Variants in PTCD2 observed in about 807,000 individuals in gnomAD.
The protein encoded by PTCD2 is pentatricopeptide repeat domain 2, also known as pentatricopeptide repeat-containing protein 2, mitochondrial.
A neutral mutation model predicts 42.6 loss-of-function variants in PTCD2; 31 were observed. That is an observed-to-expected ratio of 0.73 (90% CI 0.55 to 0.98). The LOEUF is 0.98. PTCD2 is among the 50% of genes least tolerant of loss of function. The pLI is 0.00. For missense variants in PTCD2, 476 were observed against 454.8 expected (o/e 1.05, Z -0.42); for synonymous variants, 183 against 170.9 (o/e 1.07, Z -0.55).
chr5:72,321,610 G>A (rs537228006), intron 1 of PTCD2, among the ~76,000 whole-genome samples: 1 of 152,286 alleles, frequency 6.6e-6, no homozygotes, highest in South Asian at 2.1e-4. Context: ...AAAGGATGAT[G>A]TTTCCCAAAT....
intron 5 of PTCD2, 79 bp downstream of exon 5, chr5:72,335,175 G>A: frequency 1.2e-6 from 1 of 802,052 alleles, no homozygotes; most frequent in Non-Finnish European, 2.1e-6. Context: ...AATGAGTCAT[G>A]CAAAAATGAT....
intron 8 of PTCD2, among the ~76,000 whole-genome samples, chr5:72,350,187 A>G (rs1752553384): frequency 6.6e-6 from 1 of 152,248 alleles, no homozygotes; most frequent in Non-Finnish European, 1.5e-5. Flanking sequence ...AAAGGTGTTA[A>G]GAACTGTGAA....
chr5:72,344,468 G>A (rs1171984486), intron 8 of PTCD2, among the ~76,000 whole-genome samples: 1 of 152,064 alleles, frequency 6.6e-6, no homozygotes, highest in Non-Finnish European at 1.5e-5. Context: ...AGCCAAAATT[G>A]CGCCACTACA....
Position 72,363,247 on chromosome 5 carries a change from C to T in PTCD2, c.*4820C>T, listed in dbSNP as rs1753131993. ...AGCCAAGATGACAGCTGAACAGGCT[C>T]TCATCTTAAACCTGAACAGGCATCA... On this transcript the variant is annotated 3_prime_UTR_variant, in exon 10 of 10. Transcript: ENST00000380639. 2 of 152,238 alleles carry T rather than the reference C, an allele frequency of 1.3e-5. No homozygotes were observed. Among genetic ancestry groups the T allele is most frequent in the Non-Finnish European group, 2.9e-5 (2 of 68,038 alleles). The allele number at this position is 152,238 out of a possible 1,614,324, so 9.4% of individuals were successfully genotyped here.
chr5:72,326,011 T>A (rs1250439785), intron 2 of PTCD2, among the ~76,000 whole-genome samples: 2 of 152,234 alleles, frequency 1.3e-5, no homozygotes, highest in Middle Eastern at 3.2e-3. Flanking sequence ...GAGGACTGTT[T>A]TCCCCCCTGC....
intron 9 of PTCD2, among the ~76,000 whole-genome samples, chr5:72,356,879 TTGGAAGAGG>T (rs1350765404): frequency 6.6e-6 from 1 of 152,128 alleles, no homozygotes. Flanking sequence ...TGTTATATAT[TTGGAAGAGG>T]TGGAAGAGGG....
intron 2 of PTCD2, among the ~76,000 whole-genome samples, chr5:72,322,509 C>T (rs549188837): frequency 3.9e-5 from 6 of 152,262 alleles, no homozygotes; most frequent in South Asian, 2.1e-4. Flanking sequence ...GCTAGTGCTG[C>T]GATTGGTCTT....
intron 7 of PTCD2, among the ~76,000 whole-genome samples, chr5:72,340,697 GT>G: frequency 1.3e-5 from 2 of 152,074 alleles, no homozygotes; most frequent in South Asian, 4.1e-4. Context: ...TTTGCCTGTT[GT>G]TTTTGTACTT....
intron 8 of PTCD2, among the ~76,000 whole-genome samples, chr5:72,344,095 G>A (rs1027530323): frequency 2.3e-4 from 35 of 152,204 alleles, no homozygotes; most frequent in African/African-American, 8.0e-4. Flanking sequence ...CAACGTGAGG[G>A]GCCCTTAGGG....
intron 8 of PTCD2, among the ~76,000 whole-genome samples, chr5:72,349,344 C>G (rs1353998959): frequency 6.6e-6 from 1 of 152,104 alleles, no homozygotes; most frequent in Admixed American, 6.5e-5. Context: ...CATGACCATA[C>G]CTAATTGCAA....
At chr5:72,335,356 G>A (rs1751677483) in intron 5 of PTCD2, among the ~76,000 whole-genome samples, 2 of 151,806 alleles carry the variant, frequency 1.3e-5, no homozygotes, top group South Asian at 4.2e-4. Context: ...GGCTGAGGCA[G>A]GAGAATGGCG....
rs1753155621 is a variant in PTCD2, at chr5:72,364,407, GT to G, written c.*5984del. 6.6e-6 allele frequency: 1 copy of G among 152,188 alleles called. No individual in the cohort carries two copies. The highest frequency in any genetic ancestry group is 2.1e-4 in the South Asian group (1 of 4,826). The allele number at this position is 152,188 out of a possible 1,614,324, so 9.4% of individuals were successfully genotyped here. On this transcript the variant is annotated 3_prime_UTR_variant, in exon 10 of 10. Coordinates refer to ENST00000380639, the MANE Select transcript of PTCD2 (RefSeq NM_024754.5). ...GTATAAAGGAAGACCTTTTGCTGGTGTTTTGTAAAACCAGTTGTCTGTGTCA... is the reference window on the plus strand; with the variant it reads ...GTATAAAGGAAGACCTTTTGCTGGTGTTTGTAAAACCAGTTGTCTGTGTCA...
chr5:72,348,154 A>G (rs1006906894), intron 8 of PTCD2, among the ~76,000 whole-genome samples: 2 of 152,224 alleles, frequency 1.3e-5, no homozygotes, highest in Non-Finnish European at 2.9e-5. Context: ...GCCATTCTCA[A>G]GTTTAGTAAT....
At position 72,324,183 on chromosome 5, in the gene PTCD2, G is replaced by GTGATTTCCAGTTGTCATAGT. The variant is rs1751013164; in HGVS notation, c.220+1920_220+1939dup. On this transcript the variant is annotated intron_variant, in intron 2 of 9. Coordinates refer to ENST00000380639, the MANE Select transcript of PTCD2 (RefSeq NM_024754.5). ...AGTTAGGGCTTCATGTCATCCAGTT[G>GTGATTTCCAGTTGTCATAGT]TGATTTCCAGTTGTCATAGTCTTCA... is the stretch of plus-strand genomic sequence containing the variant. Among the ~76,000 whole-genome samples, 10 of 152,278 alleles carry GTGATTTCCAGTTGTCATAGT rather than the reference G, an allele frequency of 6.6e-5. 1 individual carries two copies. In the South Asian group the frequency reaches 2.1e-3, roughly 32 times the overall value.
intron 1 of PTCD2, 172 bp downstream of exon 1, chr5:72,320,681 G>A (rs1750780308): frequency 2.5e-6 from 2 of 803,910 alleles, no homozygotes; most frequent in Admixed American, 5.0e-5. Flanking sequence ...TGGGGGTCGT[G>A]GATACCCCCA....
chr5:72,335,951 C>A, intron 6 of PTCD2, 66 bp downstream of exon 6: 2 of 852,920 alleles, frequency 2.3e-6, no homozygotes, highest in Non-Finnish European at 3.8e-6. Context: ...TTTTTCTTCT[C>A]TCTACAAATA....
intron 2 of PTCD2, among the ~76,000 whole-genome samples, chr5:72,324,289 T>A (rs1054591663): frequency 6.6e-6 from 1 of 152,212 alleles, no homozygotes; most frequent in African/African-American, 2.4e-5. Context: ...CAGACTGATA[T>A]GTTTAAAGTC....
chr5:72,339,972 T>C (rs1343780775), intron 7 of PTCD2, among the ~76,000 whole-genome samples: 1 of 152,194 alleles, frequency 6.6e-6, no homozygotes, highest in Non-Finnish European at 1.5e-5. Context: ...TCTGAATTGT[T>C]TTGTTTTAGC....
intron 2 of PTCD2, among the ~76,000 whole-genome samples, chr5:72,324,407 C>T (rs1751026812): frequency 6.6e-6 from 1 of 152,218 alleles, no homozygotes; most frequent in Admixed American, 6.5e-5. Context: ...ATGGACTCCG[C>T]CCTTTCTAGG....
Sources: gnomAD v4.1 joint callset for allele counts (sites outside exome capture counted in the v4.1 genomes callset) on GRCh38, gnomAD v4.1.1 for gene constraint, MANE v1.5 for transcripts, NCBI Gene and HGNC (gene_info 2026-07-23, HGNC 2026-07-21) for gene names.